The following NRXN1 variants were observed in gnomAD, a reference collection of about 807,000 sequenced individuals.
The protein encoded by NRXN1 is neurexin 1.
Under a neutral mutation model 150.9 loss-of-function variants are expected in NRXN1, and 39 were observed. That is an observed-to-expected ratio of 0.26 (90% CI 0.20 to 0.34). NRXN1 has a LOEUF of 0.34. NRXN1 is among the 10% of genes least tolerant of loss of function. The pLI is 1.00. For synonymous variants in NRXN1, 924 were observed against 757.0 expected (o/e 1.22, Z -3.62); for missense variants, 1,815 against 1,949.9 (o/e 0.93, Z 1.30).
chr2:50,053,737 A>T (rs1216941845), intron 20 of NRXN1, 147 bp from the exon 21 acceptor site: 26 of 778,258 alleles, frequency 3.3e-5, no homozygotes, highest in Non-Finnish European at 5.2e-5. Flanking sequence ...TTGCTTATAA[A>T]TGAGGTGTCC....
At chr2:50,661,179 C>T (rs1687248389) in intron 5 of NRXN1, among the ~76,000 whole-genome samples, 1 of 152,014 alleles carries the variant, frequency 6.6e-6, no homozygotes, top group South Asian at 2.1e-4. Context: ...ATTAGCTTCT[C>T]ACAGCAAATG....
rs554726325 is a variant in NRXN1, at chr2:50,631,688, A to G, written c.833-8073T>C. Among the ~76,000 whole-genome samples, 8 of 152,062 alleles carry G rather than the reference A, an allele frequency of 5.3e-5. No individual in the cohort carries two copies. The South Asian group carries it at 1.5e-3, about 28-fold the overall frequency. On this transcript the variant is annotated intron_variant, in intron 5 of 22. Transcript: ENST00000401669. ...CAATCTTATTGTGCAATTGATTTGCATTTGTTAAAATAACCAAAGGTGCTG... is the reference window on the plus strand; with the variant it reads ...CAATCTTATTGTGCAATTGATTTGCGTTTGTTAAAATAACCAAAGGTGCTG...
intron 8 of NRXN1, chr2:50,619,797 A>G (rs1209013883): frequency 2.3e-6 from 1 of 439,124 alleles, no homozygotes; most frequent in Non-Finnish European, 4.1e-6. Flanking sequence ...CAAATCTCAA[A>G]TGTAAATTAC....
intron 6 of NRXN1, among the ~76,000 whole-genome samples, chr2:50,622,841 C>A (rs1054454299): frequency 2.6e-5 from 4 of 152,136 alleles, no homozygotes; most frequent in Non-Finnish European, 4.4e-5. Context: ...CCCTCAGGGA[C>A]TTCTCTTGTC....
At chr2:49,978,099 T>C (rs1253255797) in intron 21 of NRXN1, among the ~76,000 whole-genome samples, 1 of 151,926 alleles carries the variant, frequency 6.6e-6, no homozygotes, top group Non-Finnish European at 1.5e-5. Flanking sequence ...GAGTCAGAGG[T>C]TGCAGTGAGC....
chr2:50,495,031 C>CAAA (rs557134128), intron 15 of NRXN1, among the ~76,000 whole-genome samples: 2 of 80,364 alleles, frequency 2.5e-5, no homozygotes, highest in African/African-American at 4.4e-5. Flanking sequence ...ACTCTGTCTC[C>CAAA]AAAAAAAAAA....
intron 17 of NRXN1, among the ~76,000 whole-genome samples, chr2:50,416,357 A>G (rs796806603): frequency 6.6e-6 from 1 of 151,952 alleles, no homozygotes; most frequent in Admixed American, 6.6e-5. Flanking sequence ...GCTGAGAAAC[A>G]CTAATGTGAC....
At chr2:50,331,297 A>G (rs2076819878) in intron 17 of NRXN1, among the ~76,000 whole-genome samples, 1 of 152,196 alleles carries the variant, frequency 6.6e-6, no homozygotes, top group Non-Finnish European at 1.5e-5. Context: ...AAAAAATACA[A>G]AGAAACAACT....
At chr2:49,961,240 C>T (rs1675882553) in intron 21 of NRXN1, among the ~76,000 whole-genome samples, 1 of 151,890 alleles carries the variant, frequency 6.6e-6, no homozygotes, top group Non-Finnish European at 1.5e-5. Flanking sequence ...GCATTATTAG[C>T]TACCAAACCC....
chr2:50,252,461 G>C (rs545757194), intron 17 of NRXN1, among the ~76,000 whole-genome samples: 1 of 151,846 alleles, frequency 6.6e-6, no homozygotes, highest in East Asian at 1.9e-4. Flanking sequence ...GTTTTGCCAT[G>C]TTAGCCAGGC....
chr2:50,410,849 T>A (rs1371016172), intron 17 of NRXN1, among the ~76,000 whole-genome samples: 3 of 152,290 alleles, frequency 2.0e-5, no homozygotes, highest in African/African-American at 7.2e-5. Context: ...ATCATTCCAC[T>A]GTTGGTCTCT....
At chr2:50,023,368 T>A (rs2152561650) in intron 21 of NRXN1, 1 of 152,268 alleles carries the variant, frequency 6.6e-6, no homozygotes, top group African/African-American at 2.4e-5. Context: ...CTGATAAGAT[T>A]ACAGTTCCCC....
chr2:50,953,065 A>T (rs1691660681), intron 2 of NRXN1, among the ~76,000 whole-genome samples: 1 of 152,168 alleles, frequency 6.6e-6, no homozygotes, highest in Non-Finnish European at 1.5e-5. Context: ...GGGCAGGTGA[A>T]TGGGAGACTG....
intron 18 of NRXN1, among the ~76,000 whole-genome samples, chr2:50,127,927 A>G (rs1485931459): frequency 6.6e-6 from 1 of 152,216 alleles, no homozygotes; most frequent in Non-Finnish European, 1.5e-5. Context: ...CTCAAGGAAC[A>G]TTAAGCAAAA....
At chr2:50,587,515 G>A (rs532567099) in intron 8 of NRXN1, among the ~76,000 whole-genome samples, 8 of 152,196 alleles carry the variant, frequency 5.3e-5, no homozygotes, top group South Asian at 2.1e-4. Context: ...CCCTATTGCA[G>A]AAAGTTGCCT....
chr2:50,837,688 G>A (rs1422548105), intron 5 of NRXN1, among the ~76,000 whole-genome samples: 6 of 152,014 alleles, frequency 3.9e-5, no homozygotes, highest in Non-Finnish European at 5.9e-5. Flanking sequence ...TATTATATGA[G>A]ATGCATACAA....
chr2:50,347,422 T>C lies in NRXN1; in HGVS notation c.3365-110452A>G. Reference sequence around the variant, plus strand: ...TCCATTTAGCTTTGTGTGCGGGGACTAGGGAGGCCACTTCGCCGGCCCAAC... The same window carrying C: ...TCCATTTAGCTTTGTGTGCGGGGACCAGGGAGGCCACTTCGCCGGCCCAAC... On this transcript the variant is annotated intron_variant, in intron 17 of 22. Transcript: ENST00000401669. The surrounding 1 kb of genome is among the most constrained non-coding windows in gnomAD (Gnocchi z 4.9). 8.7e-7 allele frequency: 1 copy of C among 1,148,466 alleles called. No homozygotes were observed. The highest frequency in any genetic ancestry group is 1.1e-6 in the Non-Finnish European group (1 of 920,806). The allele number at this position is 1,148,466 out of a possible 1,614,324, so 71.1% of individuals were successfully genotyped here.
At chr2:50,319,108 G>C (rs192962066) in intron 17 of NRXN1, among the ~76,000 whole-genome samples, 82 of 152,176 alleles carry the variant, frequency 5.4e-4, no homozygotes, top group African/African-American at 1.9e-3. Flanking sequence ...GGCAAAACTG[G>C]AGTTTAAATG....
At chr2:50,724,175 C>A (rs1269655365) in intron 5 of NRXN1, among the ~76,000 whole-genome samples, 3 of 151,910 alleles carry the variant, frequency 2.0e-5, no homozygotes. Context: ...TTAAGTCAAG[C>A]TGTCTCCTGG....
Sources: gnomAD v4.1 joint callset for allele counts (sites outside exome capture counted in the v4.1 genomes callset) on GRCh38, gnomAD v4.1.1 for gene constraint, Gnocchi (gnomAD v3.1) non-coding constraint, MANE v1.5 for transcripts, NCBI Gene and HGNC (gene_info 2026-07-23, HGNC 2026-07-21) for gene names.